PDE7B: variants seen among roughly 807,000 people sequenced by gnomAD.
The protein encoded by PDE7B is phosphodiesterase 7B.
A neutral mutation model predicts 56.2 loss-of-function variants in PDE7B; 29 were observed. The observed-to-expected ratio is 0.52, with a 90% CI of 0.38 to 0.70. PDE7B has a LOEUF of 0.70. PDE7B is among the 30% of genes least tolerant of loss of function. The probability of loss-of-function intolerance (pLI) is 0.00; values close to 1 mark genes in which losing one functional copy is unlikely to be tolerated. For synonymous variants in PDE7B, 197 were observed against 196.9 expected (o/e 1.00, Z 0.00); for missense variants, 490 against 565.0 (o/e 0.87, Z 1.35).
chr6:136,110,818 A>G (rs982225698), intron 3 of PDE7B, among the ~76,000 whole-genome samples: 4 of 151,918 alleles, frequency 2.6e-5, no homozygotes, highest in Non-Finnish European at 2.9e-5. Flanking sequence ...GCAGATAATA[A>G]TTCAGTGTCA....
At chr6:136,033,668 G>A (rs1285557619) in intron 2 of PDE7B, among the ~76,000 whole-genome samples, 2 of 152,110 alleles carry the variant, frequency 1.3e-5, no homozygotes, top group Non-Finnish European at 2.9e-5. Flanking sequence ...GCCTTGTAGG[G>A]TCGGTCTGTA....
chr6:136,125,212 A>G (rs1274490672), intron 3 of PDE7B, among the ~76,000 whole-genome samples: 2 of 152,210 alleles, frequency 1.3e-5, no homozygotes, highest in African/African-American at 2.4e-5. Flanking sequence ...ATATTTTAAC[A>G]TGTACTAGAG....
chr6:135,864,733 A>T (rs1478870477), intron 1 of PDE7B, among the ~76,000 whole-genome samples: 2 of 151,562 alleles, frequency 1.3e-5, no homozygotes, highest in African/African-American at 2.4e-5. Flanking sequence ...ATTTTGGAAA[A>T]TTTTCATTAA....
chr6:135,906,410 C>T (rs1343894346), intron 1 of PDE7B, among the ~76,000 whole-genome samples: 1 of 152,128 alleles, frequency 6.6e-6, no homozygotes. Flanking sequence ...CTTTGTCCTA[C>T]TGTTTGATAT....
At chr6:136,157,204 CATATTG>C in intron 8 of PDE7B, among the ~76,000 whole-genome samples, 1 of 152,170 alleles carries the variant, frequency 6.6e-6, no homozygotes, top group Non-Finnish European at 1.5e-5. Context: ...CTCTGAAATT[CATATTG>C]ATCACCTACC....
At chr6:135,885,936 G>A (rs1391093267) in intron 1 of PDE7B, among the ~76,000 whole-genome samples, 4 of 152,192 alleles carry the variant, frequency 2.6e-5, no homozygotes, top group Non-Finnish European at 5.9e-5. Flanking sequence ...TTGATCATGT[G>A]TAAAAACTTA....
At chr6:135,855,864 A>C (rs1223566506) in intron 1 of PDE7B, among the ~76,000 whole-genome samples, 19 of 152,166 alleles carry the variant, frequency 1.2e-4, no homozygotes, top group Non-Finnish European at 7.4e-5. Context: ...AAATTACCTC[A>C]GTGTCAGGAA....
chr6:135,940,687 A>G (rs544879939), intron 1 of PDE7B, among the ~76,000 whole-genome samples: 11 of 152,196 alleles, frequency 7.2e-5, no homozygotes, highest in Non-Finnish European at 1.0e-4. Flanking sequence ...GAAGTGACCC[A>G]GATGTTTGGA....
At chr6:135,962,427 T>C (rs1774918748) in intron 2 of PDE7B, among the ~76,000 whole-genome samples, 1 of 152,134 alleles carries the variant, frequency 6.6e-6, no homozygotes, top group Non-Finnish European at 1.5e-5. Context: ...AAATTTCGTA[T>C]AAAAAAATTC....
intron 3 of PDE7B, among the ~76,000 whole-genome samples, chr6:136,143,301 A>G (rs1412449018): frequency 2.0e-5 from 3 of 151,936 alleles, no homozygotes; most frequent in Non-Finnish European, 2.9e-5. Context: ...CAGGAGGATC[A>G]CTTAAGCCCA....
chr6:136,096,552 G>A (rs1392763821), intron 2 of PDE7B, among the ~76,000 whole-genome samples: 4 of 147,462 alleles, frequency 2.7e-5, no homozygotes, highest in Non-Finnish European at 5.9e-5. Flanking sequence ...GATAGGAAGT[G>A]GTTAGACAGG....
chr6:135,958,311 ACTT>A (rs753565190), intron 2 of PDE7B, among the ~76,000 whole-genome samples: 2 of 152,116 alleles, frequency 1.3e-5, no homozygotes, highest in Non-Finnish European at 2.9e-5. Flanking sequence ...TGGATTCAAA[ACTT>A]CTTGCTTTCA....
chr6:136,110,551 G>T (rs1384661009), intron 3 of PDE7B, among the ~76,000 whole-genome samples: 1 of 152,098 alleles, frequency 6.6e-6, no homozygotes, highest in Non-Finnish European at 1.5e-5. Context: ...AACCACAAAG[G>T]AATTAGGAAA....
chr6:135,906,926 A>G (rs1776126948), intron 1 of PDE7B, among the ~76,000 whole-genome samples: 1 of 144,750 alleles, frequency 6.9e-6, no homozygotes, highest in Admixed American at 7.4e-5. Flanking sequence ...CTTTCATATT[A>G]TATAGTTGGT....
At chr6:136,085,391 T>C (rs1454527482) in intron 2 of PDE7B, among the ~76,000 whole-genome samples, 7 of 152,236 alleles carry the variant, frequency 4.6e-5, no homozygotes, top group African/African-American at 1.7e-4. Flanking sequence ...TTTTGTGTCT[T>C]GACTTTGCAT....
At chr6:135,925,651 T>C (rs4504488) in intron 1 of PDE7B, among the ~76,000 whole-genome samples, 43,925 of 152,126 alleles carry the variant, frequency 0.29, 7,651 homozygotes, top group Middle Eastern at 0.37. Flanking sequence ...ATTGTTTAAA[T>C]AATTCTTAAA....
intron 2 of PDE7B, among the ~76,000 whole-genome samples, chr6:136,056,478 G>C (rs985361880): frequency 1.5e-5 from 2 of 132,638 alleles, no homozygotes; most frequent in African/African-American, 5.7e-5. Flanking sequence ...TTTTCAGTAA[G>C]CCTTCAATTC....
intron 2 of PDE7B, among the ~76,000 whole-genome samples, chr6:136,002,594 G>C (rs1583821626): frequency 1.3e-5 from 2 of 152,108 alleles, no homozygotes; most frequent in East Asian, 1.9e-4. Flanking sequence ...AAGATCAAAA[G>C]AGACAAAGAA....
At chr6:136,125,202 A>T (rs1360542394) in intron 3 of PDE7B, among the ~76,000 whole-genome samples, 1 of 152,188 alleles carries the variant, frequency 6.6e-6, no homozygotes, top group Non-Finnish European at 1.5e-5. Flanking sequence ...CGTTACATGT[A>T]TATTTTAACA....
Sources: gnomAD v4.1 joint callset for allele counts (sites outside exome capture counted in the v4.1 genomes callset) on GRCh38, gnomAD v4.1.1 for gene constraint, MANE v1.5 for transcripts, NCBI Gene and HGNC (gene_info 2026-07-23, HGNC 2026-07-21) for gene names.